The following NUP42 variants were observed in gnomAD, a reference collection of about 807,000 sequenced individuals.
The protein encoded by NUP42 is nucleoporin 42.
In NUP42, 47 loss-of-function variants were observed where a neutral mutation model predicts 35.9. The ratio of observed to expected loss-of-function variants is 1.31; its 90% CI spans 1.04 to 1.67. The LOEUF (loss-of-function observed/expected upper bound fraction) is 1.67. Among genes scored for constraint, NUP42 ranks in the 40% most tolerant of loss-of-function variants. NUP42 has a pLI of 0.00. For synonymous variants in NUP42, 173 were observed against 173.3 expected, an observed-to-expected ratio of 1.00 and a Z score of 0.01; for missense variants, 514 against 492.2, an observed-to-expected ratio of 1.04 and a Z score of -0.42.
chr7:23,183,733 G>A (rs1785494481), intron 1 of NUP42, among the ~76,000 whole-genome samples: 2 of 119,678 alleles, frequency 1.7e-5, no homozygotes, highest in East Asian at 5.4e-4. Flanking sequence ...GGAATTATAA[G>A]TATGAAGACC....
At chr7:23,196,301 A>G (rs1385421818) in intron 4 of NUP42, 1 of 202,086 alleles carries the variant, frequency 4.9e-6, no homozygotes, top group African/African-American at 2.4e-5. Context: ...AATATCAAAA[A>G]AAATTAAAAA....
intron 5 of NUP42, 80 bp downstream of exon 5, chr7:23,196,846 A>G: frequency 1.0e-6 from 1 of 954,072 alleles, no homozygotes; most frequent in Non-Finnish European, 1.6e-6. Context: ...TAGATTTGGA[A>G]AGCAAAACAA....
At chr7:23,182,344 C>T in intron 1 of NUP42, 138 bp downstream of exon 1, 2 of 1,449,126 alleles carry the variant, frequency 1.4e-6, no homozygotes, top group Non-Finnish European at 1.8e-6. Flanking sequence ...CTGGGCCCTG[C>T]ACAACGTTTT....
At chr7:23,182,263 G>T in intron 1 of NUP42, 57 bp downstream of exon 1, 2 of 1,544,150 alleles carry the variant, frequency 1.3e-6, no homozygotes, top group Non-Finnish European at 1.7e-6. Flanking sequence ...CGCCGGCGGG[G>T]ACCGGGCGTC....
intron 6 of NUP42, 86 bp downstream of exon 6, chr7:23,199,628 T>A: frequency 9.1e-7 from 1 of 1,097,780 alleles, no homozygotes; most frequent in Non-Finnish European, 1.4e-6. Context: ...ATCGCCATTT[T>A]AAATTACCTT....
intron 1 of NUP42, among the ~76,000 whole-genome samples, chr7:23,182,806 C>T (rs1459445446): frequency 1.4e-5 from 2 of 146,816 alleles, no homozygotes; most frequent in South Asian, 2.1e-4. Context: ...CCCAGCTACT[C>T]ATGAGGCTGA....
intron 1 of NUP42, among the ~76,000 whole-genome samples, chr7:23,184,456 A>G (rs1039018841): frequency 2.0e-5 from 3 of 152,208 alleles, no homozygotes; most frequent in Admixed American, 6.5e-5. Flanking sequence ...ACTTTTAACT[A>G]TCAAGCAGTT....
At chr7:23,187,027 C>CTT (rs367957893) in intron 2 of NUP42, 25 bp from the exon 3 acceptor site, 1,184 of 1,164,364 alleles carry the variant, frequency 1.0e-3, no homozygotes, top group South Asian at 2.8e-3. Context: ...ATCCTTTACT[C>CTT]TTTTTTTTTT....
chr7:23,188,007 ATTTTT>A, intron 3 of NUP42: 1 of 1,019,756 alleles, frequency 9.8e-7, no homozygotes, highest in East Asian at 2.9e-5. Flanking sequence ...TTTATTTTTT[ATTTTT>A]ATTTTTTTTT....
At chr7:23,187,521 A>T (rs1785634469) in intron 3 of NUP42, 1 of 168,590 alleles carries the variant, frequency 5.9e-6, no homozygotes, top group Admixed American at 6.2e-5. Context: ...CTTTCCTTCT[A>T]AGAATAGTTG....
At position 23,193,120 on chromosome 7, in the gene NUP42, G is replaced by A. The variant is rs191765980; in HGVS notation, c.446-2719G>A. Among the ~76,000 whole-genome samples, 557 of 151,910 alleles carry A rather than the reference G, an allele frequency of 3.7e-3. 2 individuals carry two copies. The highest frequency in any genetic ancestry group is 0.012 in the African/African-American group (499 of 41,406). On this transcript the variant is annotated intron_variant, in intron 3 of 6. Coordinates refer to ENST00000258742, the MANE Select transcript of NUP42 (RefSeq NM_007342.3). ...TTCCTCCCAGTGGGTTCGTGGTCTC[G>A]CTGGCTTCAGGAGTGAGGCTGAAGA... is the stretch of plus-strand genomic sequence containing the variant.
chr7:23,200,217 T>A lies in NUP42; in HGVS notation c.744T>A (p.Phe248Leu). 1 of 1,603,712 alleles carries A rather than the reference T, an allele frequency of 6.2e-7. No individual in the cohort carries two copies. Among genetic ancestry groups the A allele is most frequent in the Non-Finnish European group, 8.5e-7 (1 of 1,173,684 alleles). Residue 248 changes from phenylalanine (F) to leucine (L), a missense_variant, in exon 7 of 7, where the codon TTT becomes TTA. Coordinates refer to ENST00000258742, the MANE Select transcript of NUP42 (RefSeq NM_007342.3). ...GTGATAATGCTCAGAACTTTAGTTT[T>A]AAAACAAACTCTGGATTTGCTGCTG... is the stretch of plus-strand genomic sequence containing the variant. ...SSSDNAQNFS[F>L]KTNSGFAAAS... is the part of the protein sequence containing the mutation.
rs113947416 is a variant in NUP42, at chr7:23,187,967, A to G, written c.445+821A>G. 4.6e-4 allele frequency: 312 copies of G among 682,592 alleles called. 2 individuals carry two copies. The African/African-American group carries it at 5.3e-3, about 12-fold the overall frequency. 42.3% of individuals were successfully genotyped at this position (682,592 alleles called of 1,614,324 possible). On this transcript the variant is annotated intron_variant, in intron 3 of 6. Transcript: ENST00000258742. The stretch of plus-strand genomic sequence containing the variant: ...CTCTCTCTCTCTGGCCTGGAATAGC[A>G]TTTGCTTTAGAATATTCTCTCTCTC...
At chr7:23,192,099 A>G (rs1473533358) in intron 3 of NUP42, among the ~76,000 whole-genome samples, 2 of 152,190 alleles carry the variant, frequency 1.3e-5, no homozygotes, top group African/African-American at 4.8e-5. Flanking sequence ...ACACACACAA[A>G]CATATTTCTT....
chr7:23,182,909 C>CA (rs572917944), intron 1 of NUP42, among the ~76,000 whole-genome samples: 1,729 of 96,678 alleles, frequency 0.018, 22 homozygotes, highest in African/African-American at 0.025. Flanking sequence ...GCGAGACTAT[C>CA]AAAAAAAAAA....
chr7:23,188,414 T>G (rs938803889), intron 3 of NUP42: 2 of 983,784 alleles, frequency 2.0e-6, no homozygotes, highest in African/African-American at 3.5e-5. Flanking sequence ...TAATGATATT[T>G]TCTATAAAGA....
chr7:23,200,414 C>T lies in NUP42; in HGVS notation c.941C>T (p.Pro314Leu), dbSNP rs796192488. 1.9e-6 allele frequency: 3 copies of T among 1,614,190 alleles called. No individual in the cohort carries two copies. Among genetic ancestry groups the T allele is most frequent in the Non-Finnish European group, 8.5e-7 (1 of 1,180,032 alleles). The change falls in exon 7 of 7, where the codon CCT (proline) becomes CTT (leucine). Residue 314 changes from proline (P) to leucine (L), a missense_variant. Pro to Leu is a moderately conservative substitution (Grantham distance 98). Coordinates refer to ENST00000258742, the MANE Select transcript of NUP42 (RefSeq NM_007342.3). ...KSPAASSFGSPGFSGLPASLA... is the reference protein window; with the variant it reads ...KSPAASSFGSLGFSGLPASLA... ...CCTGCAGCTTCCAGTTTTGGATCAC[C>T]TGGATTTTCAGGACTTCCAGCTTCC... is the stretch of plus-strand genomic sequence containing the variant.
At chr7:23,192,132 T>A (rs573408179) in intron 3 of NUP42, among the ~76,000 whole-genome samples, 3 of 152,284 alleles carry the variant, frequency 2.0e-5, no homozygotes, top group Non-Finnish European at 1.5e-5. Flanking sequence ...AATTGACCCT[T>A]GAACAACATA....
Position 23,182,076 on chromosome 7 carries a change from C to G in NUP42, c.-10C>G, listed in dbSNP as rs1247639785. ...GACTGAAGACGCCCTCCGTCAGCGA[C>G]GCCGTCGCAATGGCCATTTGTCAAT... On this transcript the variant is annotated 5_prime_UTR_variant, in exon 1 of 7. Coordinates refer to ENST00000258742, the MANE Select transcript of NUP42 (RefSeq NM_007342.3). 5 of 1,613,412 alleles carry G rather than the reference C, an allele frequency of 3.1e-6. No individual in the cohort carries two copies. Among genetic ancestry groups the G allele is most frequent in the Non-Finnish European group, 4.2e-6 (5 of 1,179,996 alleles).
Sources: allele counts gnomAD v4.1 joint callset (sites outside exome capture counted in the v4.1 genomes callset), GRCh38; gene constraint gnomAD v4.1.1; transcripts MANE v1.5; gene names NCBI Gene and HGNC (gene_info 2026-07-23, HGNC 2026-07-21).